CDH12: variants seen among roughly 807,000 people sequenced by gnomAD.
CDH12 encodes the protein cadherin-12.
A neutral mutation model predicts 74.1 loss-of-function variants in CDH12; 41 were observed. The observed-to-expected ratio is 0.55, with a 90% CI of 0.43 to 0.72. CDH12 has a LOEUF of 0.72. Among genes scored for constraint, CDH12 ranks in the 30% least tolerant of loss-of-function variants. CDH12 has a pLI of 0.00. For missense variants in CDH12, 945 were observed against 977.2 expected (o/e 0.97, Z 0.44); for synonymous variants, 399 against 355.0 (o/e 1.12, Z -1.39).
chr5:22,660,864 A>T (rs1740311729), intron 1 of CDH12, among the ~76,000 whole-genome samples: 1 of 152,224 alleles, frequency 6.6e-6, no homozygotes, highest in South Asian at 2.1e-4. Flanking sequence ...TTAAAAATTA[A>T]ATATAATATT....
chr5:22,556,255 C>G (rs1738798758), intron 1 of CDH12, among the ~76,000 whole-genome samples: 1 of 151,978 alleles, frequency 6.6e-6, no homozygotes, highest in Admixed American at 6.6e-5. Context: ...TGGAAGGGGA[C>G]AGACTTCTAA....
At chr5:22,090,963 C>G (rs921439304) in intron 4 of CDH12, among the ~76,000 whole-genome samples, 16 of 151,918 alleles carry the variant, frequency 1.1e-4, no homozygotes, top group Non-Finnish European at 1.6e-4. Flanking sequence ...CAAGTCTCCA[C>G]AAGTCATATC....
At chr5:21,843,990 T>C (rs1750019995) in intron 7 of CDH12, among the ~76,000 whole-genome samples, 1 of 152,136 alleles carries the variant, frequency 6.6e-6, no homozygotes, top group Non-Finnish European at 1.5e-5. Context: ...ATTTCCAGCA[T>C]AAAAATTTCC....
intron 6 of CDH12, among the ~76,000 whole-genome samples, chr5:21,963,250 A>G (rs1756442392): frequency 6.6e-6 from 1 of 152,116 alleles, no homozygotes; most frequent in Admixed American, 6.6e-5. Flanking sequence ...TCACCCAGGT[A>G]GTGAACTGAA....
intron 3 of CDH12, among the ~76,000 whole-genome samples, chr5:22,317,714 ATACT>A (rs1189590024): frequency 3.3e-5 from 5 of 152,196 alleles, no homozygotes; most frequent in African/African-American, 1.2e-4. Flanking sequence ...TGCACAATAA[ATACT>A]TCTTGCTCAT....
Position 21,905,147 on chromosome 5 carries a change from AG to A in CDH12, c.527-50358del, listed in dbSNP as rs1192167355. ...GGTTTAAGTGGGTGCCGTAGAGCAC[AG>A]GAAATGTGTGCGGTGAAGCAGGAAG... On this transcript the variant is annotated intron_variant, in intron 6 of 14. Coordinates refer to ENST00000382254, the MANE Select transcript of CDH12 (RefSeq NM_004061.5). Among the ~76,000 whole-genome samples, 9 of 152,232 alleles carry A rather than the reference AG, an allele frequency of 5.9e-5. 1 individual carries two copies. The highest frequency in any genetic ancestry group is 5.9e-4 in the Admixed American group (9 of 15,268).
chr5:22,509,254 G>A (rs1341547009), intron 1 of CDH12, among the ~76,000 whole-genome samples: 1 of 152,150 alleles, frequency 6.6e-6, no homozygotes, highest in African/African-American at 2.4e-5. Context: ...TAGGACTACT[G>A]ATAACCTGCA....
At chr5:22,219,814 G>A (rs1751949564) in intron 3 of CDH12, among the ~76,000 whole-genome samples, 1 of 151,632 alleles carries the variant, frequency 6.6e-6, no homozygotes, top group Non-Finnish European at 1.5e-5. Context: ...GAAAAAAGGT[G>A]ATAAAATAGT....
At chr5:21,803,260 C>CT (rs943148346) in intron 9 of CDH12, among the ~76,000 whole-genome samples, 1 of 151,826 alleles carries the variant, frequency 6.6e-6, no homozygotes, top group African/African-American at 2.4e-5. Context: ...ATGTCTAGAT[C>CT]TTTTTTTATT....
At chr5:22,397,253 G>A (rs556048369) in intron 3 of CDH12, among the ~76,000 whole-genome samples, 1 of 152,148 alleles carries the variant, frequency 6.6e-6, no homozygotes, top group Admixed American at 6.6e-5. Context: ...TGGCTGGAAT[G>A]CAGACAATGC....
intron 4 of CDH12, among the ~76,000 whole-genome samples, chr5:22,111,461 T>G (rs1219543255): frequency 1.3e-5 from 2 of 152,194 alleles, no homozygotes; most frequent in African/African-American, 4.8e-5. Flanking sequence ...TTCTCTATAC[T>G]TTGTTGAATA....
intron 1 of CDH12, among the ~76,000 whole-genome samples, chr5:22,729,873 T>G (rs1744344450): frequency 2.6e-5 from 4 of 151,882 alleles, no homozygotes; most frequent in Admixed American, 2.6e-4. Context: ...TCTGTCTTTA[T>G]CTATTAATTT....
intron 5 of CDH12, among the ~76,000 whole-genome samples, chr5:22,010,211 A>G (rs1007405582): frequency 2.0e-4 from 31 of 152,268 alleles, no homozygotes; most frequent in Non-Finnish European, 3.7e-4. Flanking sequence ...AATTTTGATG[A>G]TGCATATATG....
chr5:21,831,330 A>C (rs1300912076), intron 8 of CDH12, among the ~76,000 whole-genome samples: 1 of 152,042 alleles, frequency 6.6e-6, no homozygotes, highest in Non-Finnish European at 1.5e-5. Context: ...CCCATCTCTC[A>C]CTATCTCTTT....
intron 11 of CDH12, among the ~76,000 whole-genome samples, chr5:21,765,693 T>A (rs1190989922): frequency 1.3e-5 from 2 of 152,108 alleles, no homozygotes; most frequent in Non-Finnish European, 2.9e-5. Context: ...TAAACTTCTA[T>A]GCAATAACTT....
chr5:22,145,617 G>C (rs577618401), intron 4 of CDH12, among the ~76,000 whole-genome samples: 1 of 152,174 alleles, frequency 6.6e-6, no homozygotes, highest in Non-Finnish European at 1.5e-5. Flanking sequence ...AGAAATATGG[G>C]TATATAGAAA....
chr5:22,702,795 A>G (rs766742217), intron 1 of CDH12, among the ~76,000 whole-genome samples: 2 of 152,088 alleles, frequency 1.3e-5, no homozygotes, highest in African/African-American at 2.4e-5. Context: ...TGAATCTCAT[A>G]TGGTTTGCAT....
chr5:22,117,468 AAT>A (rs1323855843), intron 4 of CDH12, among the ~76,000 whole-genome samples: 1 of 75,954 alleles, frequency 1.3e-5, no homozygotes, highest in Non-Finnish European at 2.4e-5. Context: ...TTATATATAT[AAT>A]ATATATATTA....
chr5:22,152,084 G>T (rs892048484), intron 4 of CDH12: 1 of 152,066 alleles, frequency 6.6e-6, no homozygotes, highest in Middle Eastern at 3.4e-3. Flanking sequence ...TTCCCATCTC[G>T]TTCTGGAATT....
Sources: gnomAD v4.1 joint callset for allele counts (sites outside exome capture counted in the v4.1 genomes callset) on GRCh38, gnomAD v4.1.1 for gene constraint, MANE v1.5 for transcripts, NCBI Gene and HGNC (gene_info 2026-07-23, HGNC 2026-07-21) for gene names.